Variants in NACC2 observed in about 807,000 individuals in gnomAD.
The protein encoded by NACC2 is NACC family member 2, also known as nucleus accumbens-associated protein 2.
A neutral mutation model predicts 25.1 loss-of-function variants in NACC2; 8 were observed. The observed-to-expected ratio is 0.32, with a 90% CI of 0.19 to 0.57. NACC2 has a LOEUF of 0.57. Ranked by LOEUF, NACC2 falls within the 20% of genes least tolerant of loss-of-function variation. The pLI, the probability that NACC2 is intolerant of heterozygous loss-of-function variation, is 0.89. For missense variants in NACC2, 644 were observed against 650.2 expected, an observed-to-expected ratio of 0.99 and a Z score of 0.10; for synonymous variants, 435 against 294.7, an observed-to-expected ratio of 1.48 and a Z score of -4.88.
intron 2 of NACC2, among the ~76,000 whole-genome samples, chr9:136,031,708 G>A (rs1840476239): frequency 6.6e-6 from 1 of 152,136 alleles, no homozygotes; most frequent in Admixed American, 6.6e-5. Flanking sequence ...CAAAATTAGA[G>A]GGCAATCTCT....
intron 1 of NACC2, among the ~76,000 whole-genome samples, chr9:136,085,966 C>T (rs1830375133): frequency 6.6e-6 from 1 of 151,742 alleles, no homozygotes; most frequent in Non-Finnish European, 1.5e-5. Context: ...CAGAACGGCT[C>T]TGATGGGAGG....
chr9:136,087,106 G>A (rs1830387184), intron 1 of NACC2, among the ~76,000 whole-genome samples: 1 of 152,248 alleles, frequency 6.6e-6, no homozygotes, highest in Non-Finnish European at 1.5e-5. Flanking sequence ...GACGGAGGCA[G>A]AGACTGGGCC....
rs942621869 is a variant in NACC2 at position 136,022,783 on chromosome 9, G to A, written c.887-6354C>T. Among the ~76,000 whole-genome samples, 7 of 151,950 alleles carry A rather than the reference G, an allele frequency of 4.6e-5. No homozygotes were observed. Among genetic ancestry groups the A allele is most frequent in the African/African-American group, 1.7e-4 (7 of 41,354 alleles). On this transcript the variant is annotated intron_variant, in intron 2 of 5. Coordinates refer to ENST00000277554, the MANE Select transcript of NACC2 (RefSeq NM_144653.5). This position sits in a 1 kb window ranked among gnomAD's most constrained non-coding sequence, Gnocchi z 4.4. Reference sequence around the variant, plus strand: ...GACTTCCACGCTGTACTTGGTGGGAGCACAGAGGCCACAATTATAAGGCAT... The same window carrying A: ...GACTTCCACGCTGTACTTGGTGGGAACACAGAGGCCACAATTATAAGGCAT...
rs868808121 is a variant in NACC2 at position 136,013,545 on chromosome 9, G to A, written c.1158-249C>T. ...CCTGAGCCTTGTCCTCAGGGACTCC[G>A]GGGACGTCTGAGGAAGCCGCTGTGT... is the stretch of plus-strand genomic sequence containing the variant. On this transcript the variant is annotated intron_variant, in intron 4 of 5. Transcript: ENST00000277554. This position sits in a 1 kb window ranked among gnomAD's most constrained non-coding sequence, Gnocchi z 6.6. Among the ~76,000 whole-genome samples, 11 of 152,216 alleles carry A rather than the reference G, an allele frequency of 7.2e-5. No homozygotes were observed. The highest frequency in any genetic ancestry group is 2.0e-4 in the Admixed American group (3 of 15,288).
Position 136,024,155 on chromosome 9 carries a change from AGTGTGTGTGT to A in NACC2, c.887-7736_887-7727del, listed in dbSNP as rs71507095. 2.2e-3 allele frequency among the ~76,000 whole-genome samples: 277 copies of A among 123,618 alleles called. 4 individuals carry two copies. Among genetic ancestry groups the A allele is most frequent in the African/African-American group, 6.8e-3 (206 of 30,126 alleles). The allele number at this position is 123,618 out of a possible 152,430, so 81.1% of individuals were successfully genotyped here. ...GAGGACAGTGTGTGTGTGGGGACAG[AGTGTGTGTGT>A]GTGTGTGTGTGTGAGGACGGAGTGT... On this transcript the variant is annotated intron_variant, in intron 2 of 5. Transcript: ENST00000277554.
chr9:136,056,758 G>A lies in NACC2; in HGVS notation c.-59-6178C>T, dbSNP rs1001816812. On this transcript the variant is annotated intron_variant, in intron 1 of 5. Coordinates refer to ENST00000277554, the MANE Select transcript of NACC2 (RefSeq NM_144653.5). ...GCTGGGCCCAGGCCGGGCTCTCTCC[G>A]TTCAGCCAGGTCCCTAGGCGGCTTC... Among the ~76,000 whole-genome samples, 10 of 152,232 alleles carry A rather than the reference G, an allele frequency of 6.6e-5. No homozygotes were observed. The South Asian group carries it at 1.9e-3, about 28-fold the overall frequency.
intron 2 of NACC2, among the ~76,000 whole-genome samples, chr9:136,028,488 G>C (rs1840429149): frequency 6.7e-6 from 1 of 149,500 alleles, no homozygotes; most frequent in Non-Finnish European, 1.5e-5. Flanking sequence ...CAATTTTTCT[G>C]CCTCAGCCTC....
In NACC2 at chr9:136,072,351, G is replaced by A. The variant is rs143274115; in HGVS notation, c.-59-21771C>T. Among the ~76,000 whole-genome samples the A allele has an allele frequency of 4.0e-3, 610 of 152,254 alleles. 9 individuals are homozygous for A. Among genetic ancestry groups the A allele is most frequent in the African/African-American group, 0.014 (588 of 41,540 alleles). On this transcript the variant is annotated intron_variant, in intron 1 of 5. Coordinates refer to ENST00000277554, the MANE Select transcript of NACC2 (RefSeq NM_144653.5). ...ACTTGAGGCCAGGAGTTTGAGATCA[G>A]AATGGCCAACACAGTGAAATCCTGT... is the stretch of plus-strand genomic sequence containing the variant.
At chr9:136,042,769 GAC>G (rs1332241560) in intron 2 of NACC2, among the ~76,000 whole-genome samples, 1 of 142,546 alleles carries the variant, frequency 7.0e-6, no homozygotes, top group African/African-American at 2.6e-5. Flanking sequence ...CACACACAGA[GAC>G]ACACAGACAC....
intron 2 of NACC2, among the ~76,000 whole-genome samples, chr9:136,024,519 G>GTGTA (rs2131142378): frequency 6.8e-6 from 1 of 147,740 alleles, no homozygotes; most frequent in South Asian, 2.2e-4. Context: ...GTGTGTGTGT[G>GTGTA]TGTGTGTGTG....
At chr9:136,089,997 GAATA>G (rs1280060114) in intron 1 of NACC2, among the ~76,000 whole-genome samples, 1 of 148,234 alleles carries the variant, frequency 6.7e-6, no homozygotes, top group Non-Finnish European at 1.5e-5. Context: ...AAAAAAAAAA[GAATA>G]AACTGCTGAC....
intron 1 of NACC2, among the ~76,000 whole-genome samples, chr9:136,093,553 C>T (rs1218810684): frequency 1.3e-5 from 2 of 152,228 alleles, no homozygotes; most frequent in East Asian, 3.9e-4. Context: ...GGATCCCTGG[C>T]CACTAAGAAG....
chr9:136,017,329 G>C (rs138946605), intron 2 of NACC2, among the ~76,000 whole-genome samples: 1,577 of 152,302 alleles, frequency 0.01, 10 homozygotes, highest in Non-Finnish European at 0.015. Context: ...CCCTGGGCAG[G>C]ACTCTCTGCT....
chr9:136,018,431 C>T lies in NACC2; in HGVS notation c.887-2002G>A, dbSNP rs1239776465. ...AGGACCCCACATCCTGAATCCACAG[C>T]GGGCGCCCCACTGAAGGCAGCAGGT... On this transcript the variant is annotated intron_variant, in intron 2 of 5. Coordinates refer to ENST00000277554, the MANE Select transcript of NACC2 (RefSeq NM_144653.5). The surrounding 1 kb of genome is among the most constrained non-coding windows in gnomAD (Gnocchi z 4.4). 4.6e-5 allele frequency among the ~76,000 whole-genome samples: 7 copies of T among 152,176 alleles called. No individual in the cohort carries two copies. The highest frequency in any genetic ancestry group is 3.9e-4 in the Admixed American group (6 of 15,288).
intron 1 of NACC2, among the ~76,000 whole-genome samples, chr9:136,080,565 A>G (rs7041423): frequency 0.6 from 91,251 of 151,612 alleles, 27,583 homozygotes; most frequent in South Asian, 0.67. Context: ...GCGAAACTCC[A>G]TCTCCCCACT....
intron 1 of NACC2, among the ~76,000 whole-genome samples, chr9:136,074,266 C>A (rs77769653): frequency 6.7e-6 from 1 of 148,918 alleles, no homozygotes; most frequent in East Asian, 2.1e-4. Context: ...CTGGCTAACA[C>A]GGTGAAACCC....
In NACC2 at chr9:136,049,868, C is replaced by G. The variant is rs1439610330; in HGVS notation, c.654G>C (p.Leu218=). The G allele has an allele frequency of 9.3e-6, 6 of 643,254 alleles. No homozygotes were observed. The highest frequency in any genetic ancestry group is 9.2e-5 in the African/African-American group (5 of 54,318). 39.8% of individuals were successfully genotyped at this position (643,254 alleles called of 1,614,324 possible). The part of the protein sequence containing the change: ...AVAAGTAPLK[L]PRVSYYGVPS... ...GCACCCCGTAGTAGGAGACACGGGG[C>G]AGTTTGAGAGGGGCTGTGCCCGCCG... The change falls in exon 2 of 6, where the codon CTG becomes CTC. Residue 218 remains leucine, a synonymous_variant. Coordinates refer to ENST00000277554, the MANE Select transcript of NACC2 (RefSeq NM_144653.5).
intron 1 of NACC2, 85 bp from the exon 2 acceptor site, chr9:136,050,665 G>A (rs948591598): frequency 7.7e-6 from 5 of 647,564 alleles, no homozygotes; most frequent in African/African-American, 3.6e-5. Flanking sequence ...CTCCTCCCCC[G>A]CCGGGGGCTT....
chr9:136,076,613 G>A (rs188641698), intron 1 of NACC2, among the ~76,000 whole-genome samples: 159 of 152,298 alleles, frequency 1.0e-3, no homozygotes, highest in African/African-American at 3.6e-3. Flanking sequence ...AAACAGAGGT[G>A]AGGGTTGACA....
Sources: allele counts gnomAD v4.1 joint callset (sites outside exome capture counted in the v4.1 genomes callset), GRCh38; gene constraint gnomAD v4.1.1; non-coding constraint Gnocchi (gnomAD v3.1); transcripts MANE v1.5; gene names NCBI Gene and HGNC (gene_info 2026-07-23, HGNC 2026-07-21).